The following PAPPA2 variants were observed in gnomAD, a reference collection of about 807,000 sequenced individuals.
The protein encoded by PAPPA2 is pappalysin-2.
In PAPPA2, 86 loss-of-function variants were observed where a neutral mutation model predicts 176.4. That is an observed-to-expected ratio of 0.49 (90% CI 0.41 to 0.58). The LOEUF is 0.58. Among genes scored for constraint, PAPPA2 ranks in the 20% least tolerant of loss-of-function variants. PAPPA2 has a pLI of 0.00. For missense variants in PAPPA2, 2,073 were observed against 2,256.9 expected (o/e 0.92, Z 1.65); for synonymous variants, 809 against 852.2 (o/e 0.95, Z 0.88).
At chr1:176,486,119 G>A (rs1014436896) in intron 1 of PAPPA2, among the ~76,000 whole-genome samples, 11 of 152,168 alleles carry the variant, frequency 7.2e-5, no homozygotes, top group African/African-American at 1.9e-4. Context: ...TCCTTGTACC[G>A]TGAGGTACCC....
intron 17 of PAPPA2, among the ~76,000 whole-genome samples, chr1:176,789,309 A>C (rs1264043353): frequency 6.6e-6 from 1 of 151,998 alleles, no homozygotes; most frequent in Non-Finnish European, 1.5e-5. Flanking sequence ...AGGACAAAAA[A>C]CCAAACACTG....
intron 1 of PAPPA2, among the ~76,000 whole-genome samples, chr1:176,498,218 G>T (rs1647740669): frequency 6.6e-6 from 1 of 151,740 alleles, no homozygotes; most frequent in Non-Finnish European, 1.5e-5. Flanking sequence ...GATATTTTCT[G>T]TTTTGTCTGC....
intron 12 of PAPPA2, among the ~76,000 whole-genome samples, chr1:176,723,597 C>A (rs181403776): frequency 6.6e-6 from 1 of 151,806 alleles, no homozygotes; most frequent in Admixed American, 6.6e-5. Context: ...AATTCAGAGA[C>A]AAATTTACTG....
chr1:176,783,639 C>G (rs927865613), intron 17 of PAPPA2, among the ~76,000 whole-genome samples: 2 of 152,160 alleles, frequency 1.3e-5, no homozygotes, highest in African/African-American at 4.8e-5. Flanking sequence ...CTTCCCCTAA[C>G]CCCGACTCCT....
In PAPPA2 at chr1:176,594,983, T is replaced by G. The variant is rs1470955293; in HGVS notation, c.1379T>G (p.Phe460Cys). ...EATDLVLTAS[F>C]EPVNTEWVPF... is the part of the protein sequence containing the mutation. ...ACTGACTTGGTCCTGACAGCGAGCTTTGAGCCTGTGAACACAGAGTGGGTT... is the reference window on the plus strand; with the variant it reads ...ACTGACTTGGTCCTGACAGCGAGCTGTGAGCCTGTGAACACAGAGTGGGTT... Residue 460 changes from phenylalanine to cysteine, a missense_variant, in exon 3 of 23, where the codon TTT (phenylalanine) becomes TGT (cysteine). By Grantham distance (205) the Phe-to-Cys change is radical (BLOSUM62 -2). Coordinates refer to ENST00000367662, the MANE Select transcript of PAPPA2 (RefSeq NM_020318.3). 3.7e-6 allele frequency: 6 copies of G among 1,614,020 alleles called. No individual in the cohort carries two copies. Among genetic ancestry groups the G allele is most frequent in the Non-Finnish European group, 5.1e-6 (6 of 1,180,026 alleles).
At chr1:176,763,925 C>T (rs1237209797) in intron 14 of PAPPA2, among the ~76,000 whole-genome samples, 1 of 152,166 alleles carries the variant, frequency 6.6e-6, no homozygotes, top group African/African-American at 2.4e-5. Flanking sequence ...AAGAGATTCA[C>T]TTAGCTCATG....
chr1:176,743,438 C>T (rs1662773440), intron 14 of PAPPA2, among the ~76,000 whole-genome samples: 1 of 152,012 alleles, frequency 6.6e-6, no homozygotes, highest in Non-Finnish European at 1.5e-5. Flanking sequence ...TTTAGTTTTC[C>T]TGATTTTGGC....
At chr1:176,484,247 C>T (rs1043262793) in intron 1 of PAPPA2, among the ~76,000 whole-genome samples, 2 of 152,164 alleles carry the variant, frequency 1.3e-5, no homozygotes, top group South Asian at 2.1e-4. Flanking sequence ...ACATGTTTTT[C>T]CCCCTCTGGA....
chr1:176,805,726 T>A (rs2102955544), intron 21 of PAPPA2, among the ~76,000 whole-genome samples: 1 of 152,266 alleles, frequency 6.6e-6, no homozygotes, highest in Non-Finnish European at 1.5e-5. Context: ...CTCAATCCTG[T>A]AATCCCAACA....
chr1:176,632,262 TGA>T (rs1214145271), intron 3 of PAPPA2, among the ~76,000 whole-genome samples: 7 of 150,066 alleles, frequency 4.7e-5, no homozygotes, highest in East Asian at 2.0e-4. Context: ...TGTGTGTGTG[TGA>T]GAACAGCTCT....
At chr1:176,575,518 T>A (rs534962156) in intron 2 of PAPPA2, among the ~76,000 whole-genome samples, 1 of 152,312 alleles carries the variant, frequency 6.6e-6, no homozygotes, top group Non-Finnish European at 1.5e-5. Flanking sequence ...AATGAACATA[T>A]CTGGTTTTCA....
intron 2 of PAPPA2, among the ~76,000 whole-genome samples, chr1:176,574,966 T>C (rs1280172083): frequency 6.6e-6 from 1 of 152,204 alleles, no homozygotes; most frequent in East Asian, 1.9e-4. Context: ...TCTAGGTTTG[T>C]GTAAGTGCAC....
At chr1:176,465,766 T>G (rs1171919195) in intron 1 of PAPPA2, among the ~76,000 whole-genome samples, 1 of 151,912 alleles carries the variant, frequency 6.6e-6, no homozygotes, top group Non-Finnish European at 1.5e-5. Context: ...TAGTACCCAT[T>G]AGTTATTTTT....
At chr1:176,694,524 T>G (rs369482493) in intron 6 of PAPPA2, among the ~76,000 whole-genome samples, 1 of 152,356 alleles carries the variant, frequency 6.6e-6, no homozygotes, top group South Asian at 2.1e-4. Flanking sequence ...TCACTACCTT[T>G]ATTTTATAAT....
intron 14 of PAPPA2, among the ~76,000 whole-genome samples, chr1:176,745,752 G>T (rs1384964616): frequency 1.3e-5 from 2 of 152,208 alleles, no homozygotes; most frequent in African/African-American, 4.8e-5. Flanking sequence ...AGATCTCACT[G>T]GAGGAGGTGC....
chr1:176,474,183 A>T (rs1652009902), intron 1 of PAPPA2, among the ~76,000 whole-genome samples: 1 of 152,246 alleles, frequency 6.6e-6, no homozygotes, highest in Admixed American at 6.5e-5. Context: ...ACAAGTGTCA[A>T]TTCCCAGTGA....
intron 21 of PAPPA2, among the ~76,000 whole-genome samples, chr1:176,810,995 T>C (rs969085747): frequency 6.6e-6 from 1 of 152,210 alleles, no homozygotes; most frequent in African/African-American, 2.4e-5. Context: ...CTCAGTCTTT[T>C]CTATCTGTAA....
At chr1:176,698,079 C>T (rs1254176300) in intron 7 of PAPPA2, among the ~76,000 whole-genome samples, 1 of 151,980 alleles carries the variant, frequency 6.6e-6, no homozygotes, top group Non-Finnish European at 1.5e-5. Context: ...GCAGCTACCT[C>T]CCTACTCACA....
At chr1:176,701,826 T>C (rs978000648) in intron 8 of PAPPA2, among the ~76,000 whole-genome samples, 4 of 152,178 alleles carry the variant, frequency 2.6e-5, no homozygotes, top group African/African-American at 7.2e-5. Flanking sequence ...AAAATTAAGA[T>C]GAAGGCAGAT....
Sources: gnomAD v4.1 joint callset for allele counts (sites outside exome capture counted in the v4.1 genomes callset) on GRCh38, gnomAD v4.1.1 for gene constraint, MANE v1.5 for transcripts, NCBI Gene and HGNC (gene_info 2026-07-23, HGNC 2026-07-21) for gene names.